Variants in ANO10 observed in about 807,000 individuals in gnomAD.
ANO10 encodes anoctamin-10.
Under a neutral mutation model 74.7 loss-of-function variants are expected in ANO10, and 77 were observed. That is an observed-to-expected ratio of 1.03 (90% confidence interval 0.86 to 1.25). The LOEUF (loss-of-function observed/expected upper bound fraction) is 1.25, where lower values mean the gene tolerates loss of function less well. Among genes scored for constraint, ANO10 ranks in the 50% most tolerant of loss-of-function variants. The probability of loss-of-function intolerance (pLI) is 0.00; values close to 1 mark genes in which losing one functional copy is unlikely to be tolerated. For synonymous variants in ANO10, 279 were observed against 284.9 expected (o/e 0.98, Z 0.21); for missense variants, 721 against 778.1 (o/e 0.93, Z 0.87).
chr3:43,586,154 C>T (rs1212204189), intron 4 of ANO10, among the ~76,000 whole-genome samples: 1 of 152,092 alleles, frequency 6.6e-6, no homozygotes, highest in African/African-American at 2.4e-5. Flanking sequence ...AATGAGGGTG[C>T]GTGACAGACA....
At chr3:43,520,266 G>A (rs1024782868) in intron 11 of ANO10, among the ~76,000 whole-genome samples, 8 of 152,118 alleles carry the variant, frequency 5.3e-5, no homozygotes, top group Middle Eastern at 3.2e-3. Context: ...AGTCTATTCA[G>A]GCTGCTATAA....
chr3:43,445,390 T>C (rs997520793), intron 11 of ANO10, among the ~76,000 whole-genome samples: 2 of 149,560 alleles, frequency 1.3e-5, no homozygotes, highest in African/African-American at 2.4e-5. Flanking sequence ...AAACTAGCTA[T>C]GGTGTATATG....
At chr3:43,450,460 G>A (rs576990061) in intron 11 of ANO10, among the ~76,000 whole-genome samples, 2 of 152,280 alleles carry the variant, frequency 1.3e-5, no homozygotes, top group South Asian at 2.1e-4. Context: ...AGAATTGCTT[G>A]AACCCAGGAG....
chr3:43,511,640 A>G (rs1477380702), intron 11 of ANO10, among the ~76,000 whole-genome samples: 2 of 152,174 alleles, frequency 1.3e-5, no homozygotes, highest in East Asian at 3.9e-4. Context: ...CCCCACTTTT[A>G]GTTTTAGGAT....
intron 1 of ANO10, among the ~76,000 whole-genome samples, chr3:43,646,183 G>A (rs527844878): frequency 6.6e-5 from 10 of 152,218 alleles, no homozygotes; most frequent in Non-Finnish European, 7.3e-5. Flanking sequence ...GCAGAGTCAT[G>A]TTCAAAGTTA....
chr3:43,644,015 G>GT (rs2083701543), intron 1 of ANO10, among the ~76,000 whole-genome samples: 1 of 152,062 alleles, frequency 6.6e-6, no homozygotes. Context: ...TCTGTCATTT[G>GT]TTTTTTGACC....
intron 1 of ANO10, among the ~76,000 whole-genome samples, chr3:43,660,604 A>G (rs1446630565): frequency 6.6e-6 from 1 of 152,200 alleles, no homozygotes; most frequent in East Asian, 1.9e-4. Context: ...ATGTGAAAAG[A>G]CCAAATCTAT....
intron 11 of ANO10, among the ~76,000 whole-genome samples, chr3:43,492,820 C>T (rs919887207): frequency 2.6e-5 from 4 of 152,160 alleles, no homozygotes; most frequent in Admixed American, 6.6e-5. Flanking sequence ...AAAATAAGTA[C>T]ACTTTTACAC....
At chr3:43,622,075 AG>A (rs1466986119), upstream of ANO10, 2 of 138,444 alleles carry the variant, frequency 1.4e-5, no homozygotes, top group African/African-American at 2.7e-5. Context: ...GGTCACACGC[AG>A]GGGGGCGGGG....
chr3:43,619,539 G>A (rs997876866), intron 1 of ANO10, among the ~76,000 whole-genome samples: 1 of 151,952 alleles, frequency 6.6e-6, no homozygotes, highest in Admixed American at 6.6e-5. Context: ...TTCAAAACAA[G>A]AAACTTTTTA....
Position 43,486,813 on chromosome 3 carries a change from G to T in ANO10, c.1798-54086C>A, listed in dbSNP as rs1472815916. Among the ~76,000 whole-genome samples the T allele has an allele frequency of 9.5e-3, 1,402 of 147,330 alleles. 14 individuals carry two copies. The highest frequency in any genetic ancestry group is 0.03 in the African/African-American group (1,122 of 37,928). ...CCTTTATTTCCTTCTCCTGCCTAATGGCCCTGGCCAGAACTTCCAACACTA... is the reference window on the plus strand; with the variant it reads ...CCTTTATTTCCTTCTCCTGCCTAATTGCCCTGGCCAGAACTTCCAACACTA... On this transcript the variant is annotated intron_variant, in intron 11 of 12. Coordinates refer to ENST00000292246, the MANE Select transcript of ANO10 (RefSeq NM_018075.5).
chr3:43,409,680 G>C (rs562351854), intron 12 of ANO10, among the ~76,000 whole-genome samples: 1 of 152,078 alleles, frequency 6.6e-6, no homozygotes, highest in African/African-American at 2.4e-5. Context: ...GCTAATTACC[G>C]CAAAGAACTG....
intron 1 of ANO10, among the ~76,000 whole-genome samples, chr3:43,684,037 A>G (rs2084240159): frequency 6.6e-6 from 1 of 152,238 alleles, no homozygotes; most frequent in African/African-American, 2.4e-5. Flanking sequence ...CTTCATGTCT[A>G]AAACACCGAA....
chr3:43,412,045 AAATAT>A (rs1220759997), intron 12 of ANO10, among the ~76,000 whole-genome samples: 1 of 148,040 alleles, frequency 6.8e-6, no homozygotes, highest in African/African-American at 2.5e-5. Flanking sequence ...ATATATTTGT[AAATAT>A]ATTATATATA....
At chr3:43,421,115 C>T (rs1390861820) in intron 12 of ANO10, among the ~76,000 whole-genome samples, 2 of 151,920 alleles carry the variant, frequency 1.3e-5, no homozygotes, top group Non-Finnish European at 2.9e-5. Context: ...CCCAGCTACT[C>T]GGGAGGCTGA....
At chr3:43,401,185 C>T (rs2092474745) in intron 12 of ANO10, among the ~76,000 whole-genome samples, 1 of 151,944 alleles carries the variant, frequency 6.6e-6, no homozygotes, top group Admixed American at 6.6e-5. Flanking sequence ...ATCTTTTTTC[C>T]TAAGTAAGAC....
intron 1 of ANO10, chr3:43,636,615 G>C (rs1198707777): frequency 6.6e-6 from 1 of 152,174 alleles, no homozygotes; most frequent in Non-Finnish European, 1.5e-5. Flanking sequence ...CTTTAAACTT[G>C]TGTCTCATTA....
At chr3:43,668,891 A>G (rs1490690293) in intron 1 of ANO10, among the ~76,000 whole-genome samples, 1 of 151,742 alleles carries the variant, frequency 6.6e-6, no homozygotes, top group Non-Finnish European at 1.5e-5. Flanking sequence ...TTTTTTCGCT[A>G]TTTTAATTGA....
At chr3:43,367,868 ACT>A (rs2091467031) in intron 12 of ANO10, among the ~76,000 whole-genome samples, 1 of 151,936 alleles carries the variant, frequency 6.6e-6, no homozygotes, top group Non-Finnish European at 1.5e-5. Context: ...GAAAAACAAA[ACT>A]CTGAGCGCAA....
Sources: gnomAD v4.1 joint callset for allele counts (sites outside exome capture counted in the v4.1 genomes callset) on GRCh38, gnomAD v4.1.1 for gene constraint, MANE v1.5 for transcripts, NCBI Gene and HGNC (gene_info 2026-07-23, HGNC 2026-07-21) for gene names.